Variants in RFX3 observed in about 807,000 individuals in gnomAD.
RFX3 encodes regulatory factor X3.
Under a neutral mutation model 98.6 loss-of-function variants are expected in RFX3, and 14 were observed. The observed-to-expected ratio is 0.14, with a 90% CI of 0.09 to 0.22. The LOEUF is 0.22. Among genes scored for constraint, RFX3 ranks in the 10% least tolerant of loss-of-function variants. The pLI is 1.00. For missense variants in RFX3, 639 were observed against 926.9 expected, an observed-to-expected ratio of 0.69 and a Z score of 4.03; for synonymous variants, 383 against 328.4, an observed-to-expected ratio of 1.17 and a Z score of -1.80.
intron 1 of RFX3, among the ~76,000 whole-genome samples, chr9:3,443,569 T>G (rs1023876060): frequency 1.3e-5 from 2 of 152,192 alleles, no homozygotes; most frequent in Non-Finnish European, 2.9e-5. Context: ...TATTACATGG[T>G]GTATATGCAC....
intron 7 of RFX3, 61 bp downstream of exon 7, chr9:3,288,070 G>A: frequency 6.6e-7 from 1 of 1,526,356 alleles, no homozygotes; most frequent in South Asian, 1.2e-5. Flanking sequence ...CAGAAAAAAG[G>A]AGACCCGAAC....
chr9:3,492,975 G>A (rs990206711), intron 1 of RFX3, among the ~76,000 whole-genome samples: 2 of 152,094 alleles, frequency 1.3e-5, no homozygotes, highest in African/African-American at 4.8e-5. Flanking sequence ...TATTTACAAG[G>A]ATGGTTGCCC....
intron 1 of RFX3, among the ~76,000 whole-genome samples, chr9:3,525,037 G>C (rs1457753719): frequency 6.6e-6 from 1 of 151,754 alleles, no homozygotes; most frequent in African/African-American, 2.4e-5. Flanking sequence ...TGGATGTTAA[G>C]ACTGTTTGCC....
intron 5 of RFX3, among the ~76,000 whole-genome samples, chr9:3,301,202 A>ACTT (rs200349262): frequency 0.031 from 4,664 of 152,014 alleles, 96 homozygotes; most frequent in Middle Eastern, 0.075. Flanking sequence ...GATGCAGATT[A>ACTT]CAAGTATTTG....
At chr9:3,419,265 TA>T (rs1170412233) in intron 1 of RFX3, among the ~76,000 whole-genome samples, 4 of 152,202 alleles carry the variant, frequency 2.6e-5, no homozygotes, top group Non-Finnish European at 5.9e-5. Flanking sequence ...TATCAAATTG[TA>T]AAGAATACCA....
intron 6 of RFX3, among the ~76,000 whole-genome samples, chr9:3,290,177 A>C (rs2991290): frequency 0.12 from 18,270 of 151,658 alleles, 3,091 homozygotes; most frequent in African/African-American, 0.38. Context: ...CTTCACAAAC[A>C]TAACTGTAAA....
At position 3,457,139 on chromosome 9, in the gene RFX3, C is replaced by CAAAAAAA. The variant is rs1169959832; in HGVS notation, c.-8-61550_-8-61544dup. ...CTGGCAACAGGGCGAGACTCCATCT[C>CAAAAAAA]AAAAAAAAAAAAAAAAAAAAAAAAA... On this transcript the variant is annotated intron_variant, in intron 1 of 16. Coordinates refer to ENST00000617270, the MANE Select transcript of RFX3 (RefSeq NM_001282116.2). Among the ~76,000 whole-genome samples the CAAAAAAA allele has an allele frequency of 3.9e-3, 88 of 22,808 alleles. 4 individuals are homozygous for CAAAAAAA. The highest frequency in any genetic ancestry group is 4.8e-3 in the Non-Finnish European group (61 of 12,660). The allele number at this position is 22,808 out of a possible 152,430, so 15.0% of individuals were successfully genotyped here.
At chr9:3,287,058 T>G (rs533783014) in intron 7 of RFX3, among the ~76,000 whole-genome samples, 17 of 152,020 alleles carry the variant, frequency 1.1e-4, no homozygotes, top group Non-Finnish European at 1.5e-5. Flanking sequence ...CCATTCTCCA[T>G]GTGCCTCCCC....
chr9:3,505,917 A>G (rs1328092406), intron 1 of RFX3, among the ~76,000 whole-genome samples: 1 of 151,878 alleles, frequency 6.6e-6, no homozygotes, highest in African/African-American at 2.4e-5. Context: ...AGGCCCTTGA[A>G]GAATGATCAG....
At chr9:3,392,638 G>C (rs1840433332) in intron 2 of RFX3, among the ~76,000 whole-genome samples, 1 of 151,990 alleles carries the variant, frequency 6.6e-6, no homozygotes, top group East Asian at 1.9e-4. Context: ...GAAGTTTCTA[G>C]TACAGTATTT....
chr9:3,307,483 T>C (rs375915210), intron 4 of RFX3, among the ~76,000 whole-genome samples: 26 of 152,120 alleles, frequency 1.7e-4, no homozygotes, highest in East Asian at 1.4e-3. Context: ...AGGATTGAGG[T>C]GAGAAACTGG....
chr9:3,392,598 A>C (rs2131880837), intron 2 of RFX3, among the ~76,000 whole-genome samples: 1 of 152,290 alleles, frequency 6.6e-6, no homozygotes, highest in South Asian at 2.1e-4. Context: ...GAAATGAAAA[A>C]GCATGAATGT....
intron 2 of RFX3, among the ~76,000 whole-genome samples, chr9:3,352,234 C>A (rs1835230008): frequency 6.6e-6 from 1 of 151,658 alleles, no homozygotes; most frequent in Admixed American, 6.6e-5. Context: ...TAAACATAAA[C>A]AAAATGTGTG....
intron 1 of RFX3, among the ~76,000 whole-genome samples, chr9:3,515,962 G>A (rs904448136): frequency 4.3e-4 from 66 of 151,946 alleles, no homozygotes; most frequent in African/African-American, 1.3e-3. Context: ...GACTTATCCT[G>A]AATAAATGCA....
chr9:3,507,481 T>C (rs1817217748), intron 1 of RFX3, among the ~76,000 whole-genome samples: 2 of 151,914 alleles, frequency 1.3e-5, no homozygotes, highest in Non-Finnish European at 2.9e-5. Flanking sequence ...TCACAGAATT[T>C]AAGTAATCTG....
intron 1 of RFX3, among the ~76,000 whole-genome samples, chr9:3,414,630 G>GTA (rs575066438): frequency 3.2e-4 from 46 of 145,342 alleles, no homozygotes; most frequent in Admixed American, 1.5e-3. Flanking sequence ...ATATACGAGT[G>GTA]TATATATATA....
At chr9:3,488,032 AC>A (rs537733228) in intron 1 of RFX3, among the ~76,000 whole-genome samples, 250 of 152,266 alleles carry the variant, frequency 1.6e-3, no homozygotes, top group African/African-American at 5.6e-3. Flanking sequence ...TATTATAATT[AC>A]TGTTCTATAG....
At chr9:3,424,474 G>A (rs1843799904) in intron 1 of RFX3, among the ~76,000 whole-genome samples, 1 of 139,382 alleles carries the variant, frequency 7.2e-6, no homozygotes, top group South Asian at 2.3e-4. Context: ...CCATTCTCCT[G>A]CCTCAGCCTC....
At chr9:3,235,336 G>C (rs568443482) in intron 15 of RFX3, among the ~76,000 whole-genome samples, 7 of 152,310 alleles carry the variant, frequency 4.6e-5, no homozygotes, top group Middle Eastern at 3.4e-3. Flanking sequence ...ACAGTACGAT[G>C]TGTGGCAAGG....
Sources: allele counts gnomAD v4.1 joint callset (sites outside exome capture counted in the v4.1 genomes callset), GRCh38; gene constraint gnomAD v4.1.1; transcripts MANE v1.5; gene names NCBI Gene and HGNC (gene_info 2026-07-23, HGNC 2026-07-21).